Variants in NHSL2 observed in about 807,000 individuals in gnomAD.
The protein encoded by NHSL2 is NHS like 2, also known as NHS-like protein 2.
In NHSL2, 27 loss-of-function variants were observed where a neutral mutation model predicts 53.4. That is an observed-to-expected ratio of 0.51 (90% CI 0.37 to 0.70). The LOEUF is 0.70. Among genes scored for constraint, NHSL2 ranks in the 30% least tolerant of loss-of-function variants. NHSL2 has a pLI of 0.00. For missense variants in NHSL2, 892 were observed against 980.1 expected (o/e 0.91, Z 1.20); for synonymous variants, 408 against 404.1 (o/e 1.01, Z -0.12).
chrX:72,084,643 C>G (rs1346043433), intron 1 of NHSL2, among the ~76,000 whole-genome samples: 1 of 112,125 alleles, frequency 8.9e-6, no homozygotes, highest in Non-Finnish European at 1.9e-5. Flanking sequence ...GGGCCGTCAG[C>G]CAGCAGCAGT....
At chrX:72,132,301 A>C (rs1452623500) in intron 2 of NHSL2, 67 bp downstream of exon 2, 4 of 968,581 alleles carry the variant, frequency 4.1e-6, no homozygotes, top group Non-Finnish European at 5.6e-6. Context: ...GGAGGGAGGC[A>C]AAGAAGAAAG....
chrX:72,063,130 A>G (rs907698643), intron 1 of NHSL2, among the ~76,000 whole-genome samples: 2 of 111,865 alleles, frequency 1.8e-5, no homozygotes, highest in Non-Finnish European at 3.8e-5. Context: ...GCCTTGGCCT[A>G]CTACTCTTAA....
At chrX:71,936,903 G>A (rs914200087) in intron 1 of NHSL2, among the ~76,000 whole-genome samples, 17 of 112,110 alleles carry the variant, frequency 1.5e-4, no homozygotes, top group African/African-American at 4.9e-4. Flanking sequence ...GTGCCTACTT[G>A]TGTGCCAGTT....
intron 1 of NHSL2, among the ~76,000 whole-genome samples, chrX:72,100,022 A>T (rs752664428): frequency 9.0e-6 from 1 of 111,365 alleles, no homozygotes; most frequent in Non-Finnish European, 1.9e-5. Flanking sequence ...ATGGATTAGA[A>T]GGTCAGACAT....
At chrX:71,921,702 C>T (rs1052150384) in intron 1 of NHSL2, among the ~76,000 whole-genome samples, 5 of 111,614 alleles carry the variant, frequency 4.5e-5, no homozygotes, top group Admixed American at 1.9e-4. Flanking sequence ...CAGAATATAA[C>T]GACTCCACTA....
intron 1 of NHSL2, among the ~76,000 whole-genome samples, chrX:71,983,441 C>A (rs745723420): frequency 4.4e-5 from 4 of 91,898 alleles, no homozygotes; most frequent in African/African-American, 1.6e-4. Flanking sequence ...CCCACCTCTA[C>A]AAAAAAAAAA....
At chrX:72,011,562 T>C (rs753818396) in intron 1 of NHSL2, among the ~76,000 whole-genome samples, 63 of 110,501 alleles carry the variant, frequency 5.7e-4, no homozygotes, top group Non-Finnish European at 6.4e-4. Context: ...CCCAGCTACT[T>C]GGGAGGCTGA....
intron 1 of NHSL2, among the ~76,000 whole-genome samples, chrX:71,987,873 T>A (rs1054442567): frequency 1.8e-5 from 2 of 112,254 alleles, no homozygotes; most frequent in Admixed American, 9.4e-5. Flanking sequence ...TTTCTCTTCC[T>A]AGAAGGAGCC....
At chrX:72,037,551 G>C (rs2042248057) in intron 1 of NHSL2, among the ~76,000 whole-genome samples, 1 of 111,940 alleles carries the variant, frequency 8.9e-6, no homozygotes, top group South Asian at 3.7e-4. Context: ...TGCAGCTGCA[G>C]CTCCCTAACT....
chrX:71,981,895 A>G (rs2041981015), intron 1 of NHSL2, among the ~76,000 whole-genome samples: 1 of 112,173 alleles, frequency 8.9e-6, no homozygotes, highest in Non-Finnish European at 1.9e-5. Context: ...TGCAGCCTCT[A>G]TGGAAAACAG....
At chrX:72,129,655 G>A (rs1008568955) in intron 1 of NHSL2, 2 of 477,190 alleles carry the variant, frequency 4.2e-6, no homozygotes, top group African/African-American at 4.8e-5. Flanking sequence ...TTGGGCACAC[G>A]TCGCTCTCTG....
rs1243242986 is a variant in NHSL2, at chrX:72,139,902, G to A, written c.2354G>A (p.Gly785Glu). 5.0e-6 allele frequency: 6 copies of A among 1,209,218 alleles called. No homozygotes were observed. The African/African-American group carries it at 8.8e-5, about 18-fold the overall frequency. The change falls in exon 6 of 8, where the codon GGG (glycine) becomes GAG (glutamate). Residue 785 changes from glycine (G) to glutamate (E), a missense_variant. Gly to Glu is a moderately conservative substitution (Grantham distance 98). Transcript: ENST00000633930. ...LTSSPNLDLS[G>E]MSISIRSKTK... ...TCTTCACCCAACCTGGATCTGTCTGGGATGAGTATCTCCATCCGAAGCAAA... is the reference window on the plus strand; with the variant it reads ...TCTTCACCCAACCTGGATCTGTCTGAGATGAGTATCTCCATCCGAAGCAAA...
intron 5 of NHSL2, among the ~76,000 whole-genome samples, chrX:72,137,448 C>G (rs188712413): frequency 1.3e-3 from 152 of 112,699 alleles, no homozygotes; most frequent in African/African-American, 4.6e-3. Flanking sequence ...CTAATGAATC[C>G]ATTACATTAT....
rs1289195317 is a variant in NHSL2 at position 71,980,115 on chromosome X, G to A, written c.280+68748G>A. Among the ~76,000 whole-genome samples the A allele has an allele frequency of 4.0e-4, 45 of 111,214 alleles. 1 individual carries two copies. Among genetic ancestry groups the A allele is most frequent in the Non-Finnish European group, 6.4e-4 (34 of 53,011 alleles). ...CTGAGGGCTCTGTTCTGTTCCATTG[G>A]TCTATATCTCTGTTTTGGTACCAGT... On this transcript the variant is annotated intron_variant, in intron 1 of 7. Transcript: ENST00000633930.
intron 1 of NHSL2, among the ~76,000 whole-genome samples, chrX:72,040,438 G>A (rs1430399841): frequency 8.9e-6 from 1 of 112,108 alleles, no homozygotes; most frequent in South Asian, 3.7e-4. Flanking sequence ...ATGAAGTATC[G>A]TGATTTCCAT....
At chrX:71,969,355 C>G (rs183618041) in intron 1 of NHSL2, among the ~76,000 whole-genome samples, 119 of 101,556 alleles carry the variant, frequency 1.2e-3, no homozygotes, top group Non-Finnish European at 1.9e-3. Context: ...CTCTGTTGCC[C>G]AGGCTGGAGT....
At chrX:71,951,767 G>A (rs1035885557) in intron 1 of NHSL2, among the ~76,000 whole-genome samples, 1 of 112,225 alleles carries the variant, frequency 8.9e-6, no homozygotes, top group African/African-American at 3.2e-5. Flanking sequence ...ATGCTTTGTT[G>A]TGCAGTTACC....
chrX:72,039,563 G>T (rs1166467755), intron 1 of NHSL2, among the ~76,000 whole-genome samples: 1 of 111,723 alleles, frequency 9.0e-6, no homozygotes, highest in Non-Finnish European at 1.9e-5. Context: ...GGAAATCTTG[G>T]TAAGGTCCAT....
intron 1 of NHSL2, chrX:72,129,764 G>A (rs759017823): frequency 1.2e-5 from 12 of 1,036,737 alleles, no homozygotes; most frequent in Non-Finnish European, 1.6e-5. Context: ...GGCAGGTATG[G>A]CAGCAATAGC....
Sources: gnomAD v4.1 joint callset for allele counts (sites outside exome capture counted in the v4.1 genomes callset) on GRCh38, gnomAD v4.1.1 for gene constraint, MANE v1.5 for transcripts, NCBI Gene and HGNC (gene_info 2026-07-23, HGNC 2026-07-21) for gene names.